Variants in MAGI2 observed in about 807,000 individuals in gnomAD.
The protein encoded by MAGI2 is membrane associated guanylate kinase, WW and PDZ domain containing 2.
Under a neutral mutation model 133.3 loss-of-function variants are expected in MAGI2, and 35 were observed. The observed-to-expected ratio is 0.26, with a 90% CI of 0.20 to 0.35. The LOEUF (loss-of-function observed/expected upper bound fraction) is 0.35, where lower values mean the gene tolerates loss of function less well. Ranked by LOEUF, MAGI2 falls within the 10% of genes least tolerant of loss-of-function variation. The pLI is 1.00. For synonymous variants in MAGI2, 729 were observed against 710.6 expected (o/e 1.03, Z -0.41); for missense variants, 1,636 against 1,863.4 (o/e 0.88, Z 2.25).
At chr7:79,344,559 T>C (rs1841164745) in intron 1 of MAGI2, among the ~76,000 whole-genome samples, 1 of 152,004 alleles carries the variant, frequency 6.6e-6, no homozygotes, top group Non-Finnish European at 1.5e-5. Flanking sequence ...CCAGCAAAAA[T>C]AGATATAAAC....
intron 3 of MAGI2, among the ~76,000 whole-genome samples, chr7:78,602,492 T>A (rs893176200): frequency 6.6e-5 from 10 of 152,210 alleles, no homozygotes; most frequent in Admixed American, 6.5e-5. Context: ...TTCAGAAGAT[T>A]TCTTGTCTTG....
chr7:79,008,014 T>C (rs773423555), intron 1 of MAGI2, among the ~76,000 whole-genome samples: 46 of 152,066 alleles, frequency 3.0e-4, no homozygotes, highest in Non-Finnish European at 5.6e-4. Flanking sequence ...AAATACTTAT[T>C]TGATATTTAA....
chr7:78,504,062 T>C (rs1044670385), intron 4 of MAGI2, among the ~76,000 whole-genome samples: 50 of 152,098 alleles, frequency 3.3e-4, no homozygotes, highest in African/African-American at 1.2e-3. Context: ...GTAATATGTG[T>C]TAAAGACAGA....
intron 1 of MAGI2, among the ~76,000 whole-genome samples, chr7:79,313,532 G>A (rs557138075): frequency 2.0e-5 from 3 of 151,572 alleles, no homozygotes; most frequent in African/African-American, 4.9e-5. Context: ...TGATACAATC[G>A]ATTCAATTTT....
In MAGI2 at chr7:79,366,329, G is replaced by C. The variant is rs140596747; in HGVS notation, c.301+86691C>G. ...ATGATTCCATTTATACGACATTTTT[G>C]AAATAACAACATTTTCAAAATGGTG... On this transcript the variant is annotated intron_variant, in intron 1 of 21. Transcript: ENST00000354212. Among the ~76,000 whole-genome samples the C allele has an allele frequency of 4.8e-3, 737 of 152,208 alleles. 3 individuals carry two copies. The highest frequency in any genetic ancestry group is 7.9e-3 in the Non-Finnish European group (539 of 68,010).
At chr7:79,246,465 A>C (rs1035685222) in intron 1 of MAGI2, among the ~76,000 whole-genome samples, 11 of 152,240 alleles carry the variant, frequency 7.2e-5, no homozygotes, top group Admixed American at 2.0e-4. Flanking sequence ...GAAATAATTT[A>C]AAAGAATTAA....
chr7:79,072,357 A>G (rs1815065676), intron 1 of MAGI2, among the ~76,000 whole-genome samples: 1 of 152,204 alleles, frequency 6.6e-6, no homozygotes, highest in African/African-American at 2.4e-5. Context: ...CTTGTATAGT[A>G]TATCAGATTT....
At chr7:78,322,583 G>A (rs961635432) in intron 9 of MAGI2, among the ~76,000 whole-genome samples, 4 of 152,216 alleles carry the variant, frequency 2.6e-5, no homozygotes, top group Middle Eastern at 3.4e-3. Flanking sequence ...ACACAGGGAG[G>A]AGAACATCAC....
chr7:78,407,266 G>C (rs1199437651), intron 6 of MAGI2, among the ~76,000 whole-genome samples: 2 of 151,986 alleles, frequency 1.3e-5, no homozygotes, highest in Non-Finnish European at 2.9e-5. Context: ...TACTCACTGA[G>C]TTCAGTTAAA....
chr7:79,200,462 T>A (rs1044924154), intron 1 of MAGI2, among the ~76,000 whole-genome samples: 2 of 149,190 alleles, frequency 1.3e-5, no homozygotes, highest in Non-Finnish European at 3.0e-5. Flanking sequence ...AAAAAAAAAA[T>A]TAGCCAGATT....
chr7:79,298,030 C>T (rs1837080098), intron 1 of MAGI2, among the ~76,000 whole-genome samples: 1 of 152,116 alleles, frequency 6.6e-6, no homozygotes, highest in African/African-American at 2.4e-5. Flanking sequence ...GTGTTATCTT[C>T]CTGAGTGGAC....
intron 1 of MAGI2, among the ~76,000 whole-genome samples, chr7:79,065,350 G>T (rs887578905): frequency 3.9e-5 from 6 of 152,052 alleles, no homozygotes; most frequent in Non-Finnish European, 7.4e-5. Flanking sequence ...CTAGAGGGCA[G>T]GAAGAATATC....
intron 12 of MAGI2, 122 bp from the exon 13 acceptor site, chr7:78,185,792 C>CTTTTT (rs201094303): frequency 5.9e-5 from 37 of 628,734 alleles, no homozygotes; most frequent in Non-Finnish European, 8.7e-5. Context: ...ATGTTTAAGA[C>CTTTTT]TTTTTTTTTC....
At chr7:78,746,164 T>A (rs568442752) in intron 2 of MAGI2, among the ~76,000 whole-genome samples, 1 of 152,342 alleles carries the variant, frequency 6.6e-6, no homozygotes, top group Non-Finnish European at 1.5e-5. Context: ...AAATATTGCA[T>A]GCCTCCTGAC....
chr7:78,488,979 T>C (rs539738680), intron 6 of MAGI2, among the ~76,000 whole-genome samples: 6 of 152,174 alleles, frequency 3.9e-5, no homozygotes, highest in African/African-American at 1.2e-4. Context: ...TCTAATAATT[T>C]AATCACATAA....
intron 1 of MAGI2, among the ~76,000 whole-genome samples, chr7:79,406,856 A>G (rs758445131): frequency 3.9e-5 from 6 of 152,152 alleles, no homozygotes; most frequent in Non-Finnish European, 7.4e-5. Flanking sequence ...AATTTAAATC[A>G]GTTAATGCAA....
chr7:79,237,444 C>T (rs781426376), intron 1 of MAGI2, among the ~76,000 whole-genome samples: 14 of 152,252 alleles, frequency 9.2e-5, no homozygotes, highest in South Asian at 4.1e-4. Context: ...AGTGAGCCAA[C>T]GTCGCGCCAC....
intron 3 of MAGI2, among the ~76,000 whole-genome samples, chr7:78,581,426 AG>A (rs928668958): frequency 6.6e-6 from 1 of 152,336 alleles, no homozygotes; most frequent in East Asian, 1.9e-4. Flanking sequence ...TAATACCACC[AG>A]GGTGGGTACA....
At chr7:78,657,095 T>C (rs1812385063) in intron 2 of MAGI2, among the ~76,000 whole-genome samples, 1 of 151,612 alleles carries the variant, frequency 6.6e-6, no homozygotes, top group African/African-American at 2.4e-5. Context: ...ATATCATATG[T>C]CATCAGGGCA....
Sources: gnomAD v4.1 joint callset for allele counts (sites outside exome capture counted in the v4.1 genomes callset) on GRCh38, gnomAD v4.1.1 for gene constraint, MANE v1.5 for transcripts, NCBI Gene and HGNC (gene_info 2026-07-23, HGNC 2026-07-21) for gene names.